Variants in MAGI2 observed in about 807,000 individuals in gnomAD.
MAGI2 encodes membrane-associated guanylate kinase, WW and PDZ domain-containing protein 2.
In MAGI2, 35 loss-of-function variants were observed where a neutral mutation model predicts 133.3. The ratio of observed to expected loss-of-function variants is 0.26; its 90% CI spans 0.20 to 0.35. The LOEUF (loss-of-function observed/expected upper bound fraction) is 0.35, where lower values mean the gene tolerates loss of function less well. MAGI2 is among the 10% of genes least tolerant of loss of function. The probability of loss-of-function intolerance (pLI) is 1.00; values close to 1 mark genes in which losing one functional copy is unlikely to be tolerated. For synonymous variants in MAGI2, 729 were observed against 710.6 expected, an observed-to-expected ratio of 1.03 and a Z score of -0.41; for missense variants, 1,636 against 1,863.4, an observed-to-expected ratio of 0.88 and a Z score of 2.25.
intron 1 of MAGI2, among the ~76,000 whole-genome samples, chr7:79,045,252 T>C (rs1247625078): frequency 6.6e-6 from 1 of 152,178 alleles, no homozygotes; most frequent in East Asian, 1.9e-4. Flanking sequence ...AAGGGAACTT[T>C]TGGACATGAT....
intron 1 of MAGI2, among the ~76,000 whole-genome samples, chr7:79,360,040 T>G (rs1842285353): frequency 6.6e-6 from 1 of 152,252 alleles, no homozygotes; most frequent in East Asian, 1.9e-4. Flanking sequence ...GAATTATCCA[T>G]TTCAAAAAAA....
chr7:78,028,742 C>G (rs1809226999), intron 21 of MAGI2, among the ~76,000 whole-genome samples: 2 of 150,590 alleles, frequency 1.3e-5, no homozygotes, highest in African/African-American at 4.9e-5. Context: ...GTAATCCCAG[C>G]TACTCGGGAG....
rs527822413 is a variant in MAGI2, at chr7:79,351,699, A to C, written c.301+101321T>G. ...ATTCATGGAATATTTCCAAACTTTAAAAGCACGTCAATGTGAAAGATGAAC... is the reference window on the plus strand; with the variant it reads ...ATTCATGGAATATTTCCAAACTTTACAAGCACGTCAATGTGAAAGATGAAC... On this transcript the variant is annotated intron_variant, in intron 1 of 21. Coordinates refer to ENST00000354212, the MANE Select transcript of MAGI2 (RefSeq NM_012301.4). The C allele has an allele frequency of 5.3e-5, 8 of 152,338 alleles. No homozygotes were observed. In the East Asian group the frequency reaches 1.5e-3, roughly 29 times the overall value. 9.4% of individuals were successfully genotyped at this position (152,338 alleles called of 1,614,324 possible).
chr7:78,118,282 T>G (rs1371731578), intron 20 of MAGI2, among the ~76,000 whole-genome samples: 1 of 152,138 alleles, frequency 6.6e-6, no homozygotes, highest in Non-Finnish European at 1.5e-5. Flanking sequence ...CTATAAGACC[T>G]TGGATTTGGC....
intron 16 of MAGI2, among the ~76,000 whole-genome samples, chr7:78,144,722 G>A (rs1326050955): frequency 6.6e-6 from 1 of 152,056 alleles, no homozygotes; most frequent in African/African-American, 2.4e-5. Context: ...ACTCCAAGGT[G>A]GACTCTGTGT....
intron 2 of MAGI2, among the ~76,000 whole-genome samples, chr7:78,838,940 T>G (rs1316288828): frequency 6.6e-6 from 1 of 152,160 alleles, no homozygotes; most frequent in African/African-American, 2.4e-5. Flanking sequence ...TAGTATTTAA[T>G]GATTCCAACT....
chr7:78,309,435 G>A (rs1429080076), intron 9 of MAGI2, among the ~76,000 whole-genome samples: 3 of 152,156 alleles, frequency 2.0e-5, no homozygotes, highest in Non-Finnish European at 4.4e-5. Flanking sequence ...ACTAAGGCAG[G>A]AATAGAAAAT....
intron 10 of MAGI2, among the ~76,000 whole-genome samples, chr7:78,204,177 T>A (rs1158448575): frequency 6.6e-6 from 1 of 152,210 alleles, no homozygotes; most frequent in African/African-American, 2.4e-5. Context: ...ATGGAATAAT[T>A]TCTAATAATA....
intron 1 of MAGI2, among the ~76,000 whole-genome samples, chr7:79,106,579 A>G (rs1471684058): frequency 6.6e-6 from 1 of 152,222 alleles, no homozygotes; most frequent in Non-Finnish European, 1.5e-5. Flanking sequence ...AATGGAAACA[A>G]TTCCTACTAA....
chr7:78,566,751 T>C (rs1262891295), intron 3 of MAGI2, among the ~76,000 whole-genome samples: 1 of 152,234 alleles, frequency 6.6e-6, no homozygotes, highest in East Asian at 1.9e-4. Flanking sequence ...TTTTCTTCTA[T>C]AATTTCAGTA....
chr7:78,518,915 T>C (rs1796261243), intron 4 of MAGI2: 1 of 152,192 alleles, frequency 6.6e-6, no homozygotes, highest in African/African-American at 2.4e-5. Context: ...TGTGTTTGTG[T>C]GTTTTGCAGA....
chr7:78,208,791 C>A (rs1386017625), intron 10 of MAGI2, among the ~76,000 whole-genome samples: 1 of 151,522 alleles, frequency 6.6e-6, no homozygotes, highest in Admixed American at 6.6e-5. Context: ...TTAAATACAT[C>A]TTTATTGAGT....
chr7:79,417,470 A>G (rs930609945), intron 1 of MAGI2, among the ~76,000 whole-genome samples: 5 of 152,162 alleles, frequency 3.3e-5, no homozygotes, highest in African/African-American at 1.2e-4. Flanking sequence ...TATCAGTCAG[A>G]GGAAGCTGTG....
chr7:79,091,349 A>G (rs894228182), intron 1 of MAGI2, among the ~76,000 whole-genome samples: 2 of 152,168 alleles, frequency 1.3e-5, no homozygotes, highest in African/African-American at 4.8e-5. Flanking sequence ...CTTTCAGAGA[A>G]ATATTTTCGA....
intron 10 of MAGI2, among the ~76,000 whole-genome samples, chr7:78,210,921 G>T (rs1235972642): frequency 1.3e-5 from 2 of 152,200 alleles, no homozygotes; most frequent in East Asian, 3.9e-4. Flanking sequence ...TGAAGAAATG[G>T]AAGGTGAGGA....
intron 1 of MAGI2, among the ~76,000 whole-genome samples, chr7:79,405,328 T>C (rs747417681): frequency 9.2e-5 from 14 of 152,158 alleles, no homozygotes; most frequent in Non-Finnish European, 1.8e-4. Flanking sequence ...TTATCATTCA[T>C]AAAGTAAATC....
chr7:78,642,278 T>G (rs1302658257), intron 2 of MAGI2, among the ~76,000 whole-genome samples: 2 of 152,224 alleles, frequency 1.3e-5, no homozygotes, highest in African/African-American at 4.8e-5. Flanking sequence ...CATGATAAAG[T>G]TGTATATGAA....
intron 2 of MAGI2, among the ~76,000 whole-genome samples, chr7:78,970,143 TA>T (rs2115959602): frequency 6.6e-6 from 1 of 152,222 alleles, no homozygotes; most frequent in East Asian, 1.9e-4. Context: ...ATACAATTTT[TA>T]AATAGCTTCA....
rs921592142 is a variant in MAGI2 at position 78,398,633 on chromosome 7, C to T, written c.1046-29420G>A. ...ATAACCCAGGAATGTCTTTTTTTCA[C>T]AGACTTGGGATCCATCTTTCTGAAA... is the stretch of plus-strand genomic sequence containing the variant. On this transcript the variant is annotated intron_variant, in intron 6 of 21. Transcript: ENST00000354212. Among the ~76,000 whole-genome samples, 6 of 151,876 alleles carry T rather than the reference C, an allele frequency of 4.0e-5. No homozygotes were observed. The East Asian group carries it at 1.2e-3, about 29-fold the overall frequency.
Sources: gnomAD v4.1 joint callset for allele counts (sites outside exome capture counted in the v4.1 genomes callset) on GRCh38, gnomAD v4.1.1 for gene constraint, MANE v1.5 for transcripts, NCBI Gene and HGNC (gene_info 2026-07-23, HGNC 2026-07-21) for gene names.